The following OLA1 variants were observed in gnomAD, a reference collection of about 807,000 sequenced individuals.
OLA1 encodes the protein obg-like ATPase 1.
OLA1 carries 14 observed loss-of-function variants against 48.4 expected under a neutral mutation model. The observed-to-expected ratio is 0.29, with a 90% CI of 0.19 to 0.45. The LOEUF (loss-of-function observed/expected upper bound fraction) is 0.45. Ranked by LOEUF, OLA1 falls within the 20% of genes least tolerant of loss-of-function variation. The pLI is 1.00. For missense variants in OLA1, 325 were observed against 467.1 expected (o/e 0.70, Z 2.80); for synonymous variants, 127 against 150.4 (o/e 0.84, Z 1.14).
intron 4 of OLA1, among the ~76,000 whole-genome samples, chr2:174,170,075 T>C (rs1687259674): frequency 6.6e-6 from 1 of 152,034 alleles, no homozygotes; most frequent in Non-Finnish European, 1.5e-5. Context: ...CTACTAAAAA[T>C]ACATAAAATT....
At chr2:174,076,194 C>G (rs1410560777) in intron 10 of OLA1, among the ~76,000 whole-genome samples, 1 of 152,188 alleles carries the variant, frequency 6.6e-6, no homozygotes, top group South Asian at 2.1e-4. Context: ...AGCAAAGCAA[C>G]TGATTCCACC....
intron 5 of OLA1, among the ~76,000 whole-genome samples, chr2:174,126,499 C>T (rs973519887): frequency 6.6e-6 from 1 of 152,048 alleles, no homozygotes; most frequent in Non-Finnish European, 1.5e-5. Context: ...TATAGAGATA[C>T]ATAAAAATTC....
At chr2:174,132,777 G>T (rs914795851) in intron 5 of OLA1, among the ~76,000 whole-genome samples, 2 of 152,096 alleles carry the variant, frequency 1.3e-5, no homozygotes, top group African/African-American at 4.8e-5. Flanking sequence ...TTTGGTAAAT[G>T]TTCCATTTGT....
At chr2:174,095,686 TTAAAAAG>T (rs1325187434) in intron 7 of OLA1, among the ~76,000 whole-genome samples, 2 of 151,560 alleles carry the variant, frequency 1.3e-5, no homozygotes, top group African/African-American at 4.8e-5. Context: ...AATGTAAGAG[TTAAAAAG>T]TAAAAAGTTT....
At chr2:174,130,376 A>G (rs769200696) in intron 5 of OLA1, among the ~76,000 whole-genome samples, 2 of 152,224 alleles carry the variant, frequency 1.3e-5, no homozygotes, top group Non-Finnish European at 2.9e-5. Flanking sequence ...GGAACCCCCC[A>G]AGAATTAACA....
chr2:174,228,863 C>A (rs548297527), intron 3 of OLA1, among the ~76,000 whole-genome samples: 1 of 152,240 alleles, frequency 6.6e-6, no homozygotes, highest in African/African-American at 2.4e-5. Flanking sequence ...CTTCTACACC[C>A]TTCTCCATAC....
chr2:174,090,424 G>A (rs1219208620), intron 7 of OLA1, among the ~76,000 whole-genome samples: 4 of 152,202 alleles, frequency 2.6e-5, no homozygotes, highest in African/African-American at 9.6e-5. Context: ...AAACATTAGG[G>A]TAAATTCTAA....
At chr2:174,169,463 A>AT (rs746255870) in intron 4 of OLA1, among the ~76,000 whole-genome samples, 82 of 152,216 alleles carry the variant, frequency 5.4e-4, no homozygotes, top group Non-Finnish European at 7.2e-4. Context: ...TTAATCATTG[A>AT]CTTTTTCATT....
At chr2:174,233,441 T>A (rs1688776933) in intron 2 of OLA1, among the ~76,000 whole-genome samples, 1 of 152,214 alleles carries the variant, frequency 6.6e-6, no homozygotes, top group African/African-American at 2.4e-5. Context: ...TGTCACGATC[T>A]CGGCTTACTG....
rs904553337 is a variant in OLA1, at chr2:174,106,143, T to A, written c.728+17037A>T. ...TAGTGTTTTACACAAACAAAATTAA[T>A]TTGCTTTTTAAAAATAGGACAAGCA... On this transcript the variant is annotated intron_variant, in intron 7 of 10. Transcript: ENST00000284719. Among the ~76,000 whole-genome samples, 20 of 152,086 alleles carry A rather than the reference T, an allele frequency of 1.3e-4. 1 individual carries two copies. Among genetic ancestry groups the A allele is most frequent in the African/African-American group, 4.8e-4 (20 of 41,450 alleles).
intron 2 of OLA1, among the ~76,000 whole-genome samples, chr2:174,238,828 T>C (rs1688926854): frequency 6.6e-6 from 1 of 152,140 alleles, no homozygotes; most frequent in South Asian, 2.1e-4. Context: ...ATATGTTGTA[T>C]ATAACTGAAA....
intron 4 of OLA1, among the ~76,000 whole-genome samples, chr2:174,150,119 A>G (rs1324592894): frequency 2.0e-5 from 3 of 152,214 alleles, no homozygotes; most frequent in Non-Finnish European, 4.4e-5. Flanking sequence ...TTGATCTCCA[A>G]TGCAGCAGTG....
At chr2:174,210,141 T>C (rs1368800834) in intron 4 of OLA1, among the ~76,000 whole-genome samples, 1 of 152,182 alleles carries the variant, frequency 6.6e-6, no homozygotes, top group African/African-American at 2.4e-5. Context: ...TGGAGGCATA[T>C]GCTCCAAAAC....
chr2:174,246,774 T>C lies in OLA1; in HGVS notation c.42A>G (p.Pro14=), dbSNP rs1179620648. The C allele has an allele frequency of 1.9e-6, 3 of 1,613,172 alleles. No individual in the cohort carries two copies. Among genetic ancestry groups the C allele is most frequent in the African/African-American group, 1.3e-5 (1 of 74,916 alleles). The stretch of plus-strand genomic sequence containing the variant: ...GTGAGGTTCCAAATCTTCCAATGAT[T>C]GGGGGTGGTTTAATTCCATCACCTC... The part of the protein sequence containing the change: ...KKGGDGIKPP[P]IIGRFGTSLK... Residue 14 remains proline (P), a synonymous_variant, in exon 2 of 11, where the codon CCA becomes CCG. Coordinates refer to ENST00000284719, the MANE Select transcript of OLA1 (RefSeq NM_013341.5).
At chr2:174,143,556 T>C (rs1025703652) in intron 4 of OLA1, among the ~76,000 whole-genome samples, 7 of 152,242 alleles carry the variant, frequency 4.6e-5, no homozygotes, top group African/African-American at 9.6e-5. Context: ...GTTGTCTCTA[T>C]GTAGGGTCCA....
intron 5 of OLA1, among the ~76,000 whole-genome samples, chr2:174,135,160 CAAAAAAA>C (rs71405180): frequency 1.2e-5 from 1 of 86,018 alleles, no homozygotes; most frequent in African/African-American, 5.0e-5. Context: ...ACTCCGCCTC[CAAAAAAA>C]AAAAAAAAAA....
intron 5 of OLA1, among the ~76,000 whole-genome samples, chr2:174,141,585 A>T (rs1361364606): frequency 6.6e-6 from 1 of 152,210 alleles, no homozygotes. Flanking sequence ...CTACATAGTA[A>T]TCATGTAAAC....
chr2:174,103,486 A>T (rs1179555893), intron 7 of OLA1, among the ~76,000 whole-genome samples: 1 of 152,162 alleles, frequency 6.6e-6, no homozygotes, highest in East Asian at 1.9e-4. Context: ...ATCCTGATCT[A>T]TTATAGACAG....
chr2:174,119,638 C>A (rs1230901782), intron 7 of OLA1, among the ~76,000 whole-genome samples: 2 of 151,968 alleles, frequency 1.3e-5, no homozygotes, highest in Non-Finnish European at 2.9e-5. Flanking sequence ...GTAGTATCCC[C>A]AAACTATTTT....
Sources: gnomAD v4.1 joint callset for allele counts (sites outside exome capture counted in the v4.1 genomes callset) on GRCh38, gnomAD v4.1.1 for gene constraint, MANE v1.5 for transcripts, NCBI Gene and HGNC (gene_info 2026-07-23, HGNC 2026-07-21) for gene names.